Variants in SPATA6 observed in about 807,000 individuals in gnomAD.
The protein encoded by SPATA6 is spermatogenesis-associated protein 6.
A neutral mutation model predicts 65.3 loss-of-function variants in SPATA6; 56 were observed. The observed-to-expected ratio is 0.86, with a 90% CI of 0.69 to 1.07. The LOEUF (loss-of-function observed/expected upper bound fraction) is 1.07, where lower values mean the gene tolerates loss of function less well. SPATA6 is among the 50% of genes least tolerant of loss of function. SPATA6 has a pLI of 0.00. For missense variants in SPATA6, 590 were observed against 594.8 expected (o/e 0.99, Z 0.08); for synonymous variants, 199 against 213.2 (o/e 0.93, Z 0.58).
intron 5 of SPATA6, among the ~76,000 whole-genome samples, chr1:48,411,041 T>C (rs1156895601): frequency 6.6e-6 from 1 of 152,140 alleles, no homozygotes; most frequent in Non-Finnish European, 1.5e-5. Context: ...TACTAATGAG[T>C]TAGAGTATTT....
intron 9 of SPATA6, among the ~76,000 whole-genome samples, chr1:48,362,761 G>T (rs1050462131): frequency 6.6e-6 from 1 of 152,022 alleles, no homozygotes. Flanking sequence ...GAAAGGAGGA[G>T]AAAAGCCATT....
chr1:48,433,384 A>C (rs528816267), intron 3 of SPATA6, among the ~76,000 whole-genome samples: 57 of 152,312 alleles, frequency 3.7e-4, no homozygotes, highest in African/African-American at 1.3e-3. Flanking sequence ...GCTGGAACAC[A>C]AATATTAAGT....
intron 3 of SPATA6, among the ~76,000 whole-genome samples, chr1:48,450,166 A>T (rs1400259197): frequency 6.6e-6 from 1 of 152,138 alleles, no homozygotes; most frequent in Non-Finnish European, 1.5e-5. Flanking sequence ...GATAGGTAAT[A>T]CATGAAGCCA....
rs1045064626 is a variant in SPATA6 at position 48,344,575 on chromosome 1, CAGAT to C, written c.1194+11091_1194+11094del. 1.9e-4 allele frequency among the ~76,000 whole-genome samples: 29 copies of C among 152,092 alleles called. 1 individual carries two copies. Among genetic ancestry groups the C allele is most frequent in the Admixed American group, 1.4e-3 (22 of 15,240 alleles). On this transcript the variant is annotated intron_variant, in intron 11 of 12. Coordinates refer to ENST00000371847, the MANE Select transcript of SPATA6 (RefSeq NM_019073.4). ...TGGGCTAAGTGCCCCGATTAAAAGA[CAGAT>C]AGGCAAGCTGGATAAAGAACCAAGA... is the stretch of plus-strand genomic sequence containing the variant.
At chr1:48,423,029 C>T (rs879610508) in intron 3 of SPATA6, among the ~76,000 whole-genome samples, 26 of 152,048 alleles carry the variant, frequency 1.7e-4, no homozygotes, top group African/African-American at 5.8e-4. Flanking sequence ...ACTACTGGGA[C>T]ATAACAACAT....
chr1:48,460,424 A>G (rs769655050), intron 1 of SPATA6, among the ~76,000 whole-genome samples: 1 of 152,244 alleles, frequency 6.6e-6, no homozygotes, highest in Non-Finnish European at 1.5e-5. Context: ...CTGAAAAAGA[A>G]TATCTATGCA....
At chr1:48,447,915 C>A (rs745803868) in intron 3 of SPATA6, 12 of 152,084 alleles carry the variant, frequency 7.9e-5, no homozygotes, top group Non-Finnish European at 1.0e-4. Flanking sequence ...TGGAAATTTA[C>A]ACCTTTAAAA....
chr1:48,449,053 T>G (rs1317067641), intron 3 of SPATA6, among the ~76,000 whole-genome samples: 1 of 152,198 alleles, frequency 6.6e-6, no homozygotes, highest in Non-Finnish European at 1.5e-5. Flanking sequence ...TCACTAAAGC[T>G]GTTAAATAAA....
At chr1:48,339,201 C>T (rs146500343) in intron 11 of SPATA6, among the ~76,000 whole-genome samples, 8 of 151,998 alleles carry the variant, frequency 5.3e-5, no homozygotes, top group Middle Eastern at 3.4e-3. Context: ...GAGGCTAATG[C>T]CCTAAAAAGA....
intron 3 of SPATA6, among the ~76,000 whole-genome samples, chr1:48,430,985 G>A (rs1418891813): frequency 6.6e-6 from 1 of 152,068 alleles, no homozygotes; most frequent in Non-Finnish European, 1.5e-5. Context: ...TGGTAGAATG[G>A]ATAAAAACAT....
chr1:48,325,588 G>A, intron 11 of SPATA6: 1 of 904,534 alleles, frequency 1.1e-6, no homozygotes. Context: ...CAATGGTAAA[G>A]GTGGAAATCC....
At chr1:48,277,099 C>CTTTTTTTTTTTTTTTTT in the SPATA6 span, among the ~76,000 whole-genome samples, 1 of 126,452 alleles carries the variant, frequency 7.9e-6, no homozygotes. Flanking sequence ...TTGTTTTTTG[C>CTTTTTTTTTTTTTTTTT]TTTTTTTTTT....
intron 3 of SPATA6, among the ~76,000 whole-genome samples, chr1:48,413,456 CTT>C (rs35376845): frequency 2.9e-4 from 32 of 110,808 alleles, no homozygotes; most frequent in South Asian, 3.1e-4. Flanking sequence ...CGCCCGGATA[CTT>C]TTTTTTTTTT....
the SPATA6 span, among the ~76,000 whole-genome samples, chr1:48,269,145 T>C: frequency 6.6e-6 from 1 of 152,212 alleles, no homozygotes; most frequent in Non-Finnish European, 1.5e-5. Flanking sequence ...TGGTCCTATG[T>C]CTTAAAATAA....
intron 7 of SPATA6, among the ~76,000 whole-genome samples, chr1:48,398,779 T>G (rs1307622677): frequency 6.6e-6 from 1 of 151,798 alleles, no homozygotes; most frequent in East Asian, 1.9e-4. Context: ...ACTCTAAATT[T>G]CAACTATATC....
At chr1:48,455,820 G>T (rs1656959238) in intron 1 of SPATA6, among the ~76,000 whole-genome samples, 1 of 152,058 alleles carries the variant, frequency 6.6e-6, no homozygotes, top group Non-Finnish European at 1.5e-5. Context: ...TATCCAATTT[G>T]TAACATATGC....
At chr1:48,452,304 CA>C (rs1656641886) in intron 2 of SPATA6, among the ~76,000 whole-genome samples, 2 of 151,462 alleles carry the variant, frequency 1.3e-5, no homozygotes, top group South Asian at 4.2e-4. Flanking sequence ...GTAAGAAACA[CA>C]ATTGGTCATA....
At chr1:48,416,741 T>C (rs1652823241) in intron 3 of SPATA6, among the ~76,000 whole-genome samples, 1 of 152,120 alleles carries the variant, frequency 6.6e-6, no homozygotes. Flanking sequence ...AGGCAATCTA[T>C]TTCAGGAACA....
chr1:48,365,800 A>C (rs948715923), intron 9 of SPATA6, among the ~76,000 whole-genome samples: 1 of 152,074 alleles, frequency 6.6e-6, no homozygotes, highest in Non-Finnish European at 1.5e-5. Flanking sequence ...TCTCCTGCCT[A>C]ATTGCCCTGG....
Sources: allele counts gnomAD v4.1 joint callset (sites outside exome capture counted in the v4.1 genomes callset), GRCh38; gene constraint gnomAD v4.1.1; transcripts MANE v1.5; gene names NCBI Gene and HGNC (gene_info 2026-07-23, HGNC 2026-07-21).